Variants in DNM3 observed in about 807,000 individuals in gnomAD.
DNM3 encodes the protein dynamin-3.
In DNM3, 47 loss-of-function variants were observed where a neutral mutation model predicts 101.6. The observed-to-expected ratio is 0.46, with a 90% CI of 0.37 to 0.59. DNM3 has a LOEUF of 0.59. Ranked by LOEUF, DNM3 falls within the 20% of genes least tolerant of loss-of-function variation. The pLI, the probability that DNM3 is intolerant of heterozygous loss-of-function variation, is 0.00. For synonymous variants in DNM3, 385 were observed against 387.9 expected, an observed-to-expected ratio of 0.99 and a Z score of 0.09; for missense variants, 849 against 1,085.7, an observed-to-expected ratio of 0.78 and a Z score of 3.06.
intron 14 of DNM3, among the ~76,000 whole-genome samples, chr1:172,157,704 G>A (rs1387042415): frequency 6.6e-6 from 1 of 151,948 alleles, no homozygotes; most frequent in Non-Finnish European, 1.5e-5. Flanking sequence ...CATTTACACT[G>A]CATTAGGTAT....
chr1:171,846,029 C>T (rs993991245), intron 1 of DNM3, among the ~76,000 whole-genome samples: 16 of 152,014 alleles, frequency 1.1e-4, no homozygotes, highest in Admixed American at 4.6e-4. Context: ...CAAGAAATTG[C>T]TTCTAAGTAT....
At chr1:172,126,504 CA>C (rs1297006556) in intron 13 of DNM3, among the ~76,000 whole-genome samples, 2 of 151,980 alleles carry the variant, frequency 1.3e-5, no homozygotes, top group Non-Finnish European at 2.9e-5. Flanking sequence ...TTAAAATTAG[CA>C]AAATAATTGT....
At chr1:171,930,195 G>A (rs796374428) in intron 2 of DNM3, among the ~76,000 whole-genome samples, 20 of 152,156 alleles carry the variant, frequency 1.3e-4, no homozygotes, top group African/African-American at 4.3e-4. Flanking sequence ...TCTGAAGGCT[G>A]GAATGGCGAA....
rs192795937 is a variant in DNM3 at position 172,241,269 on chromosome 1, G to A, written c.1660-12304G>A. On this transcript the variant is annotated intron_variant, in intron 14 of 20. Transcript: ENST00000627582. Reference sequence around the variant, plus strand: ...TGTGTGTGTGTGTGTGTGTGTGCACGTGTGTATTTCTTGGTTAGAAGCTCT... The same window carrying A: ...TGTGTGTGTGTGTGTGTGTGTGCACATGTGTATTTCTTGGTTAGAAGCTCT... 2.5e-3 allele frequency among the ~76,000 whole-genome samples: 385 copies of A among 151,190 alleles called. 2 individuals carry two copies. The highest frequency in any genetic ancestry group is 0.01 in the Middle Eastern group (3 of 294).
At chr1:172,058,559 C>T (rs1170857647) in intron 10 of DNM3, among the ~76,000 whole-genome samples, 3 of 152,174 alleles carry the variant, frequency 2.0e-5, no homozygotes, top group Non-Finnish European at 4.4e-5. Context: ...AACCCCTCAA[C>T]TACATGGAAA....
chr1:172,039,541 C>T (rs2049217076), intron 7 of DNM3, among the ~76,000 whole-genome samples: 1 of 151,244 alleles, frequency 6.6e-6, no homozygotes, highest in Non-Finnish European at 1.5e-5. Context: ...TGCAAAAACT[C>T]TTCAAGTTAC....
chr1:171,911,273 C>CTT (rs151321245), intron 1 of DNM3, among the ~76,000 whole-genome samples: 4,597 of 90,692 alleles, frequency 0.051, 579 homozygotes, highest in African/African-American at 0.18. Flanking sequence ...ACCCCAACAT[C>CTT]TTTTTTTTTT....
intron 1 of DNM3, among the ~76,000 whole-genome samples, chr1:171,897,922 T>A (rs1359788055): frequency 1.2e-5 from 1 of 80,726 alleles, no homozygotes; most frequent in East Asian, 2.9e-4. Flanking sequence ...CTGCGGTTCA[T>A]TTTTTTTTTT....
At chr1:172,092,926 C>G (rs1253616976) in intron 13 of DNM3, 51 bp downstream of exon 13, 8 of 1,472,390 alleles carry the variant, frequency 5.4e-6, no homozygotes, top group Non-Finnish European at 7.3e-6. Flanking sequence ...AGAATTTGAA[C>G]TAAATCGCTT....
intron 13 of DNM3, among the ~76,000 whole-genome samples, chr1:172,125,647 A>C (rs2056579782): frequency 6.6e-6 from 1 of 152,168 alleles, no homozygotes; most frequent in African/African-American, 2.4e-5. Flanking sequence ...TAAAAAAAAC[A>C]GTTTGTCTCC....
At chr1:172,393,202 AGAC>A (rs2069679246) in intron 20 of DNM3, 1 of 152,252 alleles carries the variant, frequency 6.6e-6, no homozygotes, top group Non-Finnish European at 1.5e-5. Flanking sequence ...TTCTTTACAA[AGAC>A]AAAAGCCATT....
intron 17 of DNM3, among the ~76,000 whole-genome samples, chr1:172,364,895 G>T (rs1193434641): frequency 6.6e-6 from 1 of 151,870 alleles, no homozygotes; most frequent in Non-Finnish European, 1.5e-5. Flanking sequence ...CTTCCACCAT[G>T]ATTGTAAGTT....
chr1:172,353,260 A>G (rs2067277809), intron 17 of DNM3, among the ~76,000 whole-genome samples: 1 of 152,144 alleles, frequency 6.6e-6, no homozygotes, highest in Non-Finnish European at 1.5e-5. Context: ...TCTGCATTCC[A>G]TGGAATATAT....
chr1:172,301,322 T>C (rs1443764748), intron 15 of DNM3, among the ~76,000 whole-genome samples: 1 of 152,046 alleles, frequency 6.6e-6, no homozygotes, highest in East Asian at 1.9e-4. Context: ...GGCAACACAG[T>C]GAGACCTTGT....
At chr1:172,201,334 C>T (rs2060144937) in intron 14 of DNM3, among the ~76,000 whole-genome samples, 1 of 152,160 alleles carries the variant, frequency 6.6e-6, no homozygotes, top group Admixed American at 6.6e-5. Context: ...TGACTTGGTA[C>T]TCCTTGGCTG....
At chr1:171,995,968 A>T (rs1383505728) in intron 4 of DNM3, among the ~76,000 whole-genome samples, 1 of 152,194 alleles carries the variant, frequency 6.6e-6, no homozygotes, top group Non-Finnish European at 1.5e-5. Context: ...ATTTGAGTAT[A>T]TTGGAATATA....
intron 2 of DNM3, among the ~76,000 whole-genome samples, chr1:171,944,855 C>CTTTTTTT (rs71561600): frequency 5.7e-5 from 5 of 87,426 alleles, no homozygotes; most frequent in South Asian, 4.1e-4. Flanking sequence ...TTGGTGTTTC[C>CTTTTTTT]TTTTTTTTTT....
chr1:172,233,613 C>T (rs1312531076), intron 14 of DNM3, among the ~76,000 whole-genome samples: 10 of 152,134 alleles, frequency 6.6e-5, no homozygotes, highest in Admixed American at 2.6e-4. Flanking sequence ...ACCAATATCC[C>T]TGATGAACAT....
chr1:171,870,716 C>G (rs1020061376), intron 1 of DNM3, among the ~76,000 whole-genome samples: 5 of 151,848 alleles, frequency 3.3e-5, no homozygotes, highest in African/African-American at 1.2e-4. Flanking sequence ...TGACACAAAA[C>G]AATAAAAAAA....
Sources: allele counts gnomAD v4.1 joint callset (sites outside exome capture counted in the v4.1 genomes callset), GRCh38; gene constraint gnomAD v4.1.1; transcripts MANE v1.5; gene names NCBI Gene and HGNC (gene_info 2026-07-23, HGNC 2026-07-21).